The following TCF20 variants were observed in gnomAD, a reference collection of about 807,000 sequenced individuals.
TCF20 encodes SPRE-binding protein.
A neutral mutation model predicts 148.6 loss-of-function variants in TCF20; 3 were observed. That is an observed-to-expected ratio of 0.02 (90% CI 0.01 to 0.05). The LOEUF (loss-of-function observed/expected upper bound fraction) is 0.05. Ranked by LOEUF, TCF20 falls within the 10% of genes least tolerant of loss-of-function variation. The pLI, the probability that TCF20 is intolerant of heterozygous loss-of-function variation, is 1.00. For missense variants in TCF20, 2,350 were observed against 2,429.3 expected (o/e 0.97, Z 0.69); for synonymous variants, 1,049 against 909.5 (o/e 1.15, Z -2.76).
chr22:42,185,332 G>A (rs1936993704), intron 2 of TCF20, among the ~76,000 whole-genome samples: 1 of 152,134 alleles, frequency 6.6e-6, no homozygotes, highest in African/African-American at 2.4e-5. Context: ...TGTGAGACTT[G>A]TTCTTGCACC....
intron 2 of TCF20, among the ~76,000 whole-genome samples, chr22:42,183,893 C>G (rs1477177281): frequency 1.3e-5 from 2 of 151,910 alleles, no homozygotes; most frequent in Admixed American, 1.3e-4. Flanking sequence ...CTCAGCCTCC[C>G]GAGTAGATGG....
rs758402100 is a variant in TCF20 at position 42,214,905 on chromosome 22, C to A, written c.401G>T (p.Gly134Val). 1 of 1,614,194 alleles carries A rather than the reference C, an allele frequency of 6.2e-7. No homozygotes were observed. ...CTGTGCTTGAAACTGGCCCACATGA[C>A]CCTCACTCCCATACTGATTGCCAAA... ...SSFGNQYGSE[G>V]HVGQFQAQHS... The change falls in exon 2 of 6, where the codon GGT becomes GTT. Residue 134 changes from glycine to valine, a missense_variant. Gly to Val is a moderately radical substitution (Grantham distance 109). Around this residue, in one of 7 missense-constraint regions of TCF20, gnomAD observed 1,641 missense variants for 1,662.6 expected, o/e 0.99. Coordinates refer to ENST00000677622, the MANE Select transcript of TCF20 (RefSeq NM_001378418.1).
intron 1 of TCF20, among the ~76,000 whole-genome samples, chr22:42,239,142 C>T (rs1257591932): frequency 6.7e-6 from 1 of 148,942 alleles, no homozygotes; most frequent in Admixed American, 6.7e-5. Context: ...AAAGTAACAT[C>T]GATGATCACT....
chr22:42,272,519 G>A (rs556286312), upstream of TCF20, among the ~76,000 whole-genome samples: 6 of 152,248 alleles, frequency 3.9e-5, no homozygotes, highest in South Asian at 6.2e-4. Context: ...ACAATCTGTC[G>A]CAGAGCCTCA....
chr22:42,215,462 T>C (rs2147225761), intron 1 of TCF20, 121 bp from the exon 2 acceptor site: 1 of 1,329,390 alleles, frequency 7.5e-7, no homozygotes, highest in East Asian at 2.5e-5. Flanking sequence ...CTGGTTTGAA[T>C]TTCTATTTTT....
chr22:42,258,285 G>T (rs533602480), intron 1 of TCF20, among the ~76,000 whole-genome samples: 1 of 151,376 alleles, frequency 6.6e-6, no homozygotes, highest in African/African-American at 2.5e-5. Context: ...TCCCTAGGCA[G>T]AGGATCTTCA....
At chr22:42,235,064 C>T (rs1923758171) in intron 1 of TCF20, among the ~76,000 whole-genome samples, 1 of 151,704 alleles carries the variant, frequency 6.6e-6, no homozygotes, top group African/African-American at 2.4e-5. Context: ...ATTGCTTGAG[C>T]CCAGGAGACA....
rs59283483 is a variant in TCF20, at chr22:42,221,739, G to GTTTTT, written c.-36-6403_-36-6399dup. Among the ~76,000 whole-genome samples the GTTTTT allele has an allele frequency of 1.2e-4, 11 of 92,806 alleles. 1 individual carries two copies. Among genetic ancestry groups the GTTTTT allele is most frequent in the African/African-American group, 4.1e-4 (8 of 19,694 alleles). The allele number at this position is 92,806 out of a possible 152,430, so 60.9% of individuals were successfully genotyped here. On this transcript the variant is annotated intron_variant, in intron 1 of 5. Transcript: ENST00000677622. The stretch of plus-strand genomic sequence containing the variant: ...GGGCTTATTAACCATATGGCAAAGG[G>GTTTTT]TTTTTTTTTTTTTTTTTGAGACGGA...
chr22:42,203,140 T>C (rs1002807631), intron 2 of TCF20, among the ~76,000 whole-genome samples: 1 of 152,224 alleles, frequency 6.6e-6, no homozygotes, highest in African/African-American at 2.4e-5. Context: ...TGGGATTTTT[T>C]TGAATATTTT....
chr22:42,270,860 G>T (rs1328762206), upstream of TCF20, among the ~76,000 whole-genome samples: 6 of 150,672 alleles, frequency 4.0e-5, no homozygotes, highest in African/African-American at 1.5e-4. Flanking sequence ...CTCGCGGCAG[G>T]GTCGCACGGG....
chr22:42,242,120 T>C (rs1924458423), intron 1 of TCF20, among the ~76,000 whole-genome samples: 1 of 144,434 alleles, frequency 6.9e-6, no homozygotes, highest in African/African-American at 2.6e-5. Context: ...GAAGAATCAC[T>C]TGAACCCAGG....
chr22:42,266,633 G>C (rs28631832), intron 1 of TCF20, among the ~76,000 whole-genome samples: 39 of 152,118 alleles, frequency 2.6e-4, no homozygotes, highest in Non-Finnish European at 5.3e-4. Flanking sequence ...CAAAAAAATA[G>C]CCAGGCATGG....
intron 1 of TCF20, among the ~76,000 whole-genome samples, chr22:42,264,382 G>A (rs1926176598): frequency 6.6e-6 from 1 of 152,034 alleles, no homozygotes. Flanking sequence ...TTTTTTATCA[G>A]GATGATTTTT....
At chr22:42,254,260 A>C (rs1925596945) in intron 1 of TCF20, among the ~76,000 whole-genome samples, 1 of 152,214 alleles carries the variant, frequency 6.6e-6, no homozygotes, top group Non-Finnish European at 1.5e-5. Flanking sequence ...CTCACACAGC[A>C]GACTATTCTC....
At chr22:42,302,596 G>T (rs73169161) in intron 1 of TCF20, among the ~76,000 whole-genome samples, 1 of 152,054 alleles carries the variant, frequency 6.6e-6, no homozygotes, top group Admixed American at 6.6e-5. Flanking sequence ...TTTCATCCCT[G>T]TCCTTGCTTG....
intron 2 of TCF20, among the ~76,000 whole-genome samples, chr22:42,207,825 A>G (rs1444677289): frequency 6.6e-6 from 1 of 152,214 alleles, no homozygotes; most frequent in Non-Finnish European, 1.5e-5. Flanking sequence ...CAATAAAGAA[A>G]AAAAAATCAA....
At chr22:42,193,845 G>A (rs1007130964) in intron 2 of TCF20, among the ~76,000 whole-genome samples, 5 of 152,122 alleles carry the variant, frequency 3.3e-5, no homozygotes, top group East Asian at 1.9e-4. Flanking sequence ...AACAAAGACC[G>A]TCCAGTAAAT....
At chr22:42,268,162 A>C (rs562187768) in intron 1 of TCF20, among the ~76,000 whole-genome samples, 1 of 152,136 alleles carries the variant, frequency 6.6e-6, no homozygotes, top group Non-Finnish European at 1.5e-5. Flanking sequence ...TAAGTAAATA[A>C]AAGGGGATTT....
intron 1 of TCF20, among the ~76,000 whole-genome samples, chr22:42,282,425 G>T (rs773340920): frequency 1.3e-5 from 2 of 152,252 alleles, no homozygotes; most frequent in African/African-American, 4.8e-5. Flanking sequence ...GGGCCCGTCA[G>T]AGGAGTCAAG....
Sources: allele counts gnomAD v4.1 joint callset (sites outside exome capture counted in the v4.1 genomes callset), GRCh38; gene constraint gnomAD v4.1.1; regional missense constraint gnomAD v4.1.1; transcripts MANE v1.5; gene names NCBI Gene and HGNC (gene_info 2026-07-23, HGNC 2026-07-21).